GRHL2: variants seen among roughly 807,000 people sequenced by gnomAD.
GRHL2 encodes the protein grainyhead-like protein 2 homolog.
GRHL2 carries 21 observed loss-of-function variants against 83.8 expected under a neutral mutation model. The observed-to-expected ratio is 0.25, with a 90% CI of 0.18 to 0.36. The LOEUF is 0.36. GRHL2 is among the 10% of genes least tolerant of loss of function. GRHL2 has a pLI of 1.00. For missense variants in GRHL2, 623 were observed against 781.8 expected, an observed-to-expected ratio of 0.80 and a Z score of 2.42; for synonymous variants, 280 against 278.9, an observed-to-expected ratio of 1.00 and a Z score of -0.04.
At chr8:101,625,047 A>T (rs909658535) in intron 9 of GRHL2, among the ~76,000 whole-genome samples, 1 of 152,184 alleles carries the variant, frequency 6.6e-6, no homozygotes, top group Non-Finnish European at 1.5e-5. Context: ...TATTAAGAAA[A>T]CATTTTCAAA....
At chr8:101,542,875 G>A in intron 1 of GRHL2, 1 of 459,224 alleles carries the variant, frequency 2.2e-6, no homozygotes, top group Non-Finnish European at 4.4e-6. Context: ...TTTGATAATG[G>A]CATTGATCCA....
chr8:101,519,293 G>A (rs181179192), intron 1 of GRHL2, among the ~76,000 whole-genome samples: 1 of 152,068 alleles, frequency 6.6e-6, no homozygotes, highest in Admixed American at 6.5e-5. Context: ...AAAAGTGCTG[G>A]AATTACAGCT....
intron 1 of GRHL2, among the ~76,000 whole-genome samples, chr8:101,497,244 G>T (rs1208110574): frequency 6.6e-6 from 1 of 152,122 alleles, no homozygotes; most frequent in Non-Finnish European, 1.5e-5. Flanking sequence ...CCTCAGACAC[G>T]CCCACCTCCC....
intron 1 of GRHL2, among the ~76,000 whole-genome samples, chr8:101,535,989 CT>C (rs1269090250): frequency 5.9e-5 from 9 of 152,102 alleles, no homozygotes; most frequent in African/African-American, 2.2e-4. Context: ...GGAAAATTTT[CT>C]GGAGGATGGG....
rs764407394 is a variant in GRHL2 at position 101,543,274 on chromosome 8, C to T, written c.54C>T (p.Pro18=). ...NKRLVALVPM[P]SDPPFNTRRA... is the part of the protein sequence containing the mutation. ...GACTAGTGGCCTTAGTGCCCATGCC[C>T]AGTGACCCTCCATTCAATACCCGAA... The change falls in exon 2 of 16, where the codon CCC becomes CCT. Residue 18 remains proline, a synonymous_variant. Transcript: ENST00000646743. 3.6e-5 allele frequency: 58 copies of T among 1,613,954 alleles called. No individual in the cohort carries two copies. The highest frequency in any genetic ancestry group is 4.8e-5 in the Non-Finnish European group (57 of 1,179,964).
intron 9 of GRHL2, among the ~76,000 whole-genome samples, chr8:101,621,041 C>A (rs181755339): frequency 6.6e-6 from 1 of 151,852 alleles, no homozygotes; most frequent in African/African-American, 2.4e-5. Context: ...ACAGAGTAGG[C>A]AGATCTCAGA....
At chr8:101,525,952 C>A (rs938857494) in intron 1 of GRHL2, among the ~76,000 whole-genome samples, 19 of 152,154 alleles carry the variant, frequency 1.2e-4, no homozygotes, top group African/African-American at 4.1e-4. Flanking sequence ...GGCAAGAGAG[C>A]AAGACTCTGT....
At chr8:101,585,419 T>TA (rs963072395) in intron 7 of GRHL2, among the ~76,000 whole-genome samples, 75 of 152,086 alleles carry the variant, frequency 4.9e-4, no homozygotes, top group African/African-American at 1.7e-3. Flanking sequence ...GCTCCCAAAT[T>TA]AAAAAAACAA....
At chr8:101,647,571 T>C (rs1379582325) in intron 13 of GRHL2, among the ~76,000 whole-genome samples, 1 of 152,154 alleles carries the variant, frequency 6.6e-6, no homozygotes, top group African/African-American at 2.4e-5. Flanking sequence ...CCTCTTATAA[T>C]AGCCATTAGG....
intron 3 of GRHL2, among the ~76,000 whole-genome samples, chr8:101,553,693 T>A (rs1005742572): frequency 2.1e-5 from 3 of 145,864 alleles, no homozygotes; most frequent in African/African-American, 5.0e-5. Context: ...AGTGGCACCA[T>A]CTTGGCTCAC....
At chr8:101,635,058 A>G (rs981636895) in intron 11 of GRHL2, among the ~76,000 whole-genome samples, 1 of 152,044 alleles carries the variant, frequency 6.6e-6, no homozygotes, top group African/African-American at 2.4e-5. Context: ...GCCTTCCCCA[A>G]AGTACTTGAA....
intron 14 of GRHL2, among the ~76,000 whole-genome samples, chr8:101,652,613 G>GGT (rs141292154): frequency 0.15 from 18,026 of 123,564 alleles, 1,707 homozygotes; most frequent in South Asian, 0.27. Context: ...GTGTGTGTGT[G>GGT]GTGTGTGTGT....
At chr8:101,543,567 C>A in intron 2 of GRHL2, 131 bp downstream of exon 2, 2 of 839,114 alleles carry the variant, frequency 2.4e-6, no homozygotes, top group Non-Finnish European at 3.9e-6. Flanking sequence ...TAGAATTCAG[C>A]CTCTTCCTGT....
At chr8:101,516,410 CTTTTT>C (rs33990862) in intron 1 of GRHL2, among the ~76,000 whole-genome samples, 2 of 85,998 alleles carry the variant, frequency 2.3e-5, no homozygotes, top group Admixed American at 1.4e-4. Context: ...ACCTCTTTTC[CTTTTT>C]TTTTTTTTTT....
chr8:101,663,849 T>C (rs1694315123), intron 14 of GRHL2, among the ~76,000 whole-genome samples: 1 of 152,038 alleles, frequency 6.6e-6, no homozygotes, highest in African/African-American at 2.4e-5. Context: ...GTTCCATGTC[T>C]GTCATTTCTG....
intron 1 of GRHL2, among the ~76,000 whole-genome samples, chr8:101,516,463 G>C (rs1446173686): frequency 6.9e-6 from 1 of 145,964 alleles, no homozygotes; most frequent in African/African-American, 2.5e-5. Context: ...GGCCAGGCTG[G>C]AGGGAGTGCA....
rs143149278 is a variant in GRHL2, at chr8:101,504,675, T to A, written c.20+11886T>A. Among the ~76,000 whole-genome samples, 360 of 151,900 alleles carry A rather than the reference T, an allele frequency of 2.4e-3. 1 individual carries two copies. The highest frequency in any genetic ancestry group is 8.0e-3 in the African/African-American group (330 of 41,460). ...TATTTTCTAGAATAAAAATTTATATTTTTTTTAGAGTATAGACTTGCTTCT... is the reference window on the plus strand; with the variant it reads ...TATTTTCTAGAATAAAAATTTATATATTTTTTAGAGTATAGACTTGCTTCT... On this transcript the variant is annotated intron_variant, in intron 1 of 15. Transcript: ENST00000646743.
chr8:101,553,889 G>T (rs941024914), intron 3 of GRHL2, among the ~76,000 whole-genome samples: 2 of 152,052 alleles, frequency 1.3e-5, no homozygotes, highest in Non-Finnish European at 2.9e-5. Context: ...GCCTCCCAAA[G>T]TGCTGGGATT....
chr8:101,548,250 A>G (rs1373812314), intron 2 of GRHL2, among the ~76,000 whole-genome samples: 1 of 152,238 alleles, frequency 6.6e-6, no homozygotes, highest in Non-Finnish European at 1.5e-5. Context: ...AATATTGGAT[A>G]TCTAAAGGCA....
Sources: gnomAD v4.1 joint callset for allele counts (sites outside exome capture counted in the v4.1 genomes callset) on GRCh38, gnomAD v4.1.1 for gene constraint, MANE v1.5 for transcripts, NCBI Gene and HGNC (gene_info 2026-07-23, HGNC 2026-07-21) for gene names.